Variants in BCAS3 observed in about 807,000 individuals in gnomAD.
BCAS3 encodes the protein BCAS3 microtubule associated cell migration factor, also known as BCAS4/BCAS3 fusion.
A neutral mutation model predicts 116.1 loss-of-function variants in BCAS3; 53 were observed. The observed-to-expected ratio is 0.46, with a 90% CI of 0.37 to 0.57. BCAS3 has a LOEUF of 0.57. Among genes scored for constraint, BCAS3 ranks in the 20% least tolerant of loss-of-function variants. BCAS3 has a pLI of 0.00. For synonymous variants in BCAS3, 391 were observed against 408.2 expected, an observed-to-expected ratio of 0.96 and a Z score of 0.51; for missense variants, 917 against 1,165.4, an observed-to-expected ratio of 0.79 and a Z score of 3.10.
In BCAS3 at chr17:61,302,527, A is replaced by G. The variant is rs1379171215; in HGVS notation, c.2426-65800A>G. Among the ~76,000 whole-genome samples, 1 of 152,186 alleles carries G rather than the reference A, an allele frequency of 6.6e-6. No homozygotes were observed. The highest frequency in any genetic ancestry group is 1.5e-5 in the Non-Finnish European group (1 of 68,026). ...AAATTAAGATGTGGAGTATTGTTAC[A>G]CTATTTTTAGATAGTCTCCTTATCT... On this transcript the variant is annotated intron_variant, in intron 22 of 23. Coordinates refer to ENST00000407086, the MANE Select transcript of BCAS3 (RefSeq NM_017679.5). This position sits in a 1 kb window ranked among gnomAD's most constrained non-coding sequence, Gnocchi z 4.4.
intron 22 of BCAS3, among the ~76,000 whole-genome samples, chr17:61,147,306 C>G (rs189924014): frequency 6.6e-6 from 1 of 151,890 alleles, no homozygotes; most frequent in Admixed American, 6.6e-5. Flanking sequence ...AAACTCCTGA[C>G]CTCAGGTAAT....
intron 7 of BCAS3, among the ~76,000 whole-genome samples, chr17:60,858,334 C>T (rs62082892): frequency 2.0e-5 from 3 of 151,970 alleles, no homozygotes; most frequent in East Asian, 1.9e-4. Flanking sequence ...TTCCTCCTTT[C>T]CCTCTCTCTT....
At position 61,051,250 on chromosome 17, in the gene BCAS3, AT is replaced by A. The variant is rs2068830753; in HGVS notation, c.2029+10360del. 6.6e-6 allele frequency among the ~76,000 whole-genome samples: 1 copy of A among 152,034 alleles called. No individual in the cohort carries two copies. Among genetic ancestry groups the A allele is most frequent in the Non-Finnish European group, 1.5e-5 (1 of 67,980 alleles). ...TATATAACATTCTCAAAATGACAAA[AT>A]TATAGAGATAGATAATAGATTAGTG... On this transcript the variant is annotated intron_variant, in intron 19 of 23. Coordinates refer to ENST00000407086, the MANE Select transcript of BCAS3 (RefSeq NM_017679.5). The surrounding 1 kb of genome is among the most constrained non-coding windows in gnomAD (Gnocchi z 4.1).
At chr17:61,190,244 G>T (rs1196508938) in intron 22 of BCAS3, among the ~76,000 whole-genome samples, 1 of 152,086 alleles carries the variant, frequency 6.6e-6, no homozygotes, top group African/African-American at 2.4e-5. Context: ...TGACTAGCTT[G>T]GCTGGGTGCG....
At chr17:60,835,976 T>TA (rs2051334543) in intron 7 of BCAS3, among the ~76,000 whole-genome samples, 1 of 152,280 alleles carries the variant, frequency 6.6e-6, no homozygotes, top group Admixed American at 6.5e-5. Context: ...AAATGAATTT[T>TA]AAAAAATGGA....
intron 19 of BCAS3, among the ~76,000 whole-genome samples, chr17:61,049,444 T>G (rs1166933428): frequency 1.3e-5 from 2 of 151,434 alleles, no homozygotes; most frequent in African/African-American, 2.4e-5. Flanking sequence ...TGTGGGAAAA[T>G]ATACACTAAT....
intron 6 of BCAS3, among the ~76,000 whole-genome samples, chr17:60,749,872 A>C (rs2042303406): frequency 6.6e-6 from 1 of 152,240 alleles, no homozygotes; most frequent in Non-Finnish European, 1.5e-5. Flanking sequence ...CTAACATTTG[A>C]AAATTAATCA....
intron 19 of BCAS3, among the ~76,000 whole-genome samples, chr17:61,069,554 C>T (rs2071087612): frequency 6.6e-6 from 1 of 152,098 alleles, no homozygotes; most frequent in Non-Finnish European, 1.5e-5. Flanking sequence ...GGAAAACTTT[C>T]AGGCCAGGTG....
intron 22 of BCAS3, among the ~76,000 whole-genome samples, chr17:61,160,080 A>AC (rs2078080834): frequency 6.6e-6 from 1 of 151,704 alleles, no homozygotes; most frequent in Middle Eastern, 3.4e-3. Context: ...CTATAAATAC[A>AC]TTTGTCCAAA....
Position 61,365,490 on chromosome 17 carries a change from T to C in BCAS3, c.2426-2837T>C, listed in dbSNP as rs1254213163. Reference sequence around the variant, plus strand: ...CTGGGATTGCAGGTGCCCGCCACCATGCCCAGCTAACTTTTGTATTTTTAG... The same window carrying C: ...CTGGGATTGCAGGTGCCCGCCACCACGCCCAGCTAACTTTTGTATTTTTAG... On this transcript the variant is annotated intron_variant, in intron 22 of 23. Coordinates refer to ENST00000407086, the MANE Select transcript of BCAS3 (RefSeq NM_017679.5). This position sits in a 1 kb window ranked among gnomAD's most constrained non-coding sequence, Gnocchi z 4.6. Among the ~76,000 whole-genome samples, 1 of 152,126 alleles carries C rather than the reference T, an allele frequency of 6.6e-6. No individual in the cohort carries two copies. Among genetic ancestry groups the C allele is most frequent in the Admixed American group, 6.6e-5 (1 of 15,258 alleles).
chr17:60,861,660 G>A (rs970006692), intron 7 of BCAS3, among the ~76,000 whole-genome samples: 1 of 152,074 alleles, frequency 6.6e-6, no homozygotes, highest in Non-Finnish European at 1.5e-5. Flanking sequence ...TTTGAGGTAT[G>A]TTCCTTCAAT....
rs1373673333 is a variant in BCAS3, at chr17:61,203,386, G to A, written c.2425+118822G>A. 6.6e-6 allele frequency among the ~76,000 whole-genome samples: 1 copy of A among 152,088 alleles called. No individual in the cohort carries two copies. Among genetic ancestry groups the A allele is most frequent in the Admixed American group, 6.6e-5 (1 of 15,264 alleles). The stretch of plus-strand genomic sequence containing the variant: ...TTGGTCAGGCTGGTTTCAAACTCCT[G>A]ACCTTGTGATCTGCTCACCTCGGCC... On this transcript the variant is annotated intron_variant, in intron 22 of 23. Transcript: ENST00000407086. This position sits in a 1 kb window ranked among gnomAD's most constrained non-coding sequence, Gnocchi z 5.7.
chr17:61,148,410 C>T (rs910296604), intron 22 of BCAS3, among the ~76,000 whole-genome samples: 2 of 152,208 alleles, frequency 1.3e-5, no homozygotes, highest in African/African-American at 2.4e-5. Flanking sequence ...CATTCAAAAA[C>T]TCAGAGGCTA....
chr17:61,148,596 T>A (rs1035122693), intron 22 of BCAS3, among the ~76,000 whole-genome samples: 1 of 152,226 alleles, frequency 6.6e-6, no homozygotes, highest in African/African-American at 2.4e-5. Context: ...CCTGATTTTT[T>A]AAACACTACA....
intron 6 of BCAS3, among the ~76,000 whole-genome samples, chr17:60,759,005 G>C (rs997940120): frequency 4.1e-5 from 6 of 147,000 alleles, no homozygotes; most frequent in African/African-American, 1.5e-4. Flanking sequence ...TTTGGACACA[G>C]TCTCCCTCTT....
intron 22 of BCAS3, among the ~76,000 whole-genome samples, chr17:61,297,229 A>C (rs2053004815): frequency 6.6e-5 from 10 of 152,196 alleles, no homozygotes; most frequent in Admixed American, 6.5e-4. Context: ...CTAAGATGCC[A>C]CTCAAATTCT....
intron 22 of BCAS3, among the ~76,000 whole-genome samples, chr17:61,110,812 A>C (rs2143732876): frequency 1.3e-5 from 2 of 152,304 alleles, no homozygotes; most frequent in Non-Finnish European, 2.9e-5. Context: ...ACAAAAAGAC[A>C]GCAGTAACCT....
intron 6 of BCAS3, among the ~76,000 whole-genome samples, chr17:60,770,665 CTTCGGCCT>C (rs1300521080): frequency 6.6e-6 from 1 of 151,184 alleles, no homozygotes; most frequent in Non-Finnish European, 1.5e-5. Flanking sequence ...GATCTGCCTG[CTTCGGCCT>C]CCCAAAGTGA....
At chr17:60,879,065 G>A (rs1281374191) in intron 9 of BCAS3, among the ~76,000 whole-genome samples, 3 of 152,066 alleles carry the variant, frequency 2.0e-5, no homozygotes, top group Non-Finnish European at 2.9e-5. Context: ...AAAGGTATAG[G>A]ATATAGAGAC....
Sources: gnomAD v4.1 joint callset for allele counts (sites outside exome capture counted in the v4.1 genomes callset) on GRCh38, gnomAD v4.1.1 for gene constraint, Gnocchi (gnomAD v3.1) non-coding constraint, MANE v1.5 for transcripts, NCBI Gene and HGNC (gene_info 2026-07-23, HGNC 2026-07-21) for gene names.